KLHL23: variants seen among roughly 807,000 people sequenced by gnomAD.
KLHL23 encodes the protein kelch-like protein 23.
KLHL23 carries 33 observed loss-of-function variants against 48.9 expected under a neutral mutation model. The ratio of observed to expected loss-of-function variants is 0.67; its 90% CI spans 0.51 to 0.90. The LOEUF (loss-of-function observed/expected upper bound fraction) is 0.90, where lower values mean the gene tolerates loss of function less well. Among genes scored for constraint, KLHL23 ranks in the 40% least tolerant of loss-of-function variants. KLHL23 has a pLI of 0.00. For synonymous variants in KLHL23, 234 were observed against 231.6 expected, an observed-to-expected ratio of 1.01 and a Z score of -0.09; for missense variants, 608 against 669.6, an observed-to-expected ratio of 0.91 and a Z score of 1.02.
At chr2:169,741,859 C>T (rs1688684117) in intron 3 of KLHL23, among the ~76,000 whole-genome samples, 1 of 152,118 alleles carries the variant, frequency 6.6e-6, no homozygotes, top group Non-Finnish European at 1.5e-5. Flanking sequence ...ATATAAAATA[C>T]AATGTTCATA....
Position 169,749,725 on chromosome 2 carries a change from A to G in KLHL23, c.1670A>G (p.Asn557Ser). The G allele has an allele frequency of 1.9e-6, 3 of 1,596,790 alleles. No homozygotes were observed. Among genetic ancestry groups the G allele is most frequent in the East Asian group, 2.2e-5 (1 of 44,510 alleles). Residue 557 changes from asparagine to serine, a missense_variant, in exon 4 of 4, where the codon AAT becomes AGT. By Grantham distance (46) the Asn-to-Ser change is conservative. Around this residue, in one of 3 missense-constraint regions of KLHL23, gnomAD observed 179 missense variants for 169.9 expected, o/e 1.05. Coordinates refer to ENST00000392647, the MANE Select transcript of KLHL23 (RefSeq NM_144711.6). ...MRSHGCVCVYNV is the reference protein window; with the variant it reads ...MRSHGCVCVYSV ...TCTCATGGGTGTGTTTGTGTGTATA[A>G]TGTCTAATTGAATCTGCAGAAATGA...
intron 2 of KLHL23, among the ~76,000 whole-genome samples, chr2:169,737,380 GT>G (rs1688544360): frequency 1.3e-5 from 2 of 152,154 alleles, no homozygotes; most frequent in South Asian, 2.1e-4. Flanking sequence ...GTGGGAGAAG[GT>G]AGCAGAAAGC....
intron 3 of KLHL23, among the ~76,000 whole-genome samples, chr2:169,743,626 GGGAA>G (rs1558948913): frequency 6.6e-6 from 1 of 152,172 alleles, no homozygotes; most frequent in East Asian, 1.9e-4. Context: ...TAAAAGAAAA[GGGAA>G]GACCTAGCAG....
chr2:169,738,313 C>T (rs1252128321), intron 2 of KLHL23, among the ~76,000 whole-genome samples: 1 of 151,302 alleles, frequency 6.6e-6, no homozygotes, highest in Non-Finnish European at 1.5e-5. Context: ...CACTATGTTG[C>T]CCAGGCTGGT....
rs1214604517 is a variant in KLHL23, at chr2:169,741,584, G to A, written c.1366+47G>A. ...ATAGTGTATGTTGTGATGTAGTTTA[G>A]TAGCATAAAGGATGGCTAAAAATGG... On this transcript the variant is annotated intron_variant, in intron 3 of 3. Transcript: ENST00000392647. The A allele has an allele frequency of 4.5e-6, 7 of 1,546,940 alleles. No homozygotes were observed. In the African/African-American group the frequency reaches 5.4e-5, roughly 12 times the overall value.
intron 3 of KLHL23, 131 bp from the exon 4 acceptor site, chr2:169,749,291 G>C: frequency 2.0e-6 from 2 of 998,868 alleles, no homozygotes; most frequent in Non-Finnish European, 2.8e-6. Flanking sequence ...TTGTGTGCCT[G>C]AATCAAAATA....
intron 3 of KLHL23, among the ~76,000 whole-genome samples, 171 bp from the exon 4 acceptor site, chr2:169,749,251 G>C (rs943493954): frequency 3.3e-5 from 5 of 152,104 alleles, no homozygotes; most frequent in Non-Finnish European, 7.4e-5. Flanking sequence ...TAGGTGACAG[G>C]GAATGATTTT....
chr2:169,741,551 T>G lies in KLHL23; in HGVS notation c.1366+14T>G, dbSNP rs766217100. The stretch of plus-strand genomic sequence containing the variant: ...GTCCACATCCAGGTAACAAAAATAC[T>G]GTCTCAAATAGTGTATGTTGTGATG... On this transcript the variant is annotated intron_variant, in intron 3 of 3. Coordinates refer to ENST00000392647, the MANE Select transcript of KLHL23 (RefSeq NM_144711.6). The G allele has an allele frequency of 3.0e-5, 49 of 1,609,916 alleles. No homozygotes were observed. The highest frequency in any genetic ancestry group is 1.6e-4 in the Middle Eastern group (1 of 6,064).
At chr2:169,736,745 A>G (rs913663516) in intron 2 of KLHL23, among the ~76,000 whole-genome samples, 2 of 151,836 alleles carry the variant, frequency 1.3e-5, no homozygotes, top group African/African-American at 2.4e-5. Context: ...GATAAACACT[A>G]TTTTCTGCTG....
intron 2 of KLHL23, among the ~76,000 whole-genome samples, chr2:169,740,611 G>A (rs1405852663): frequency 3.3e-5 from 5 of 150,358 alleles, no homozygotes; most frequent in Middle Eastern, 3.4e-3. Context: ...ACCACGTCCT[G>A]CTAATTTTTT....
At chr2:169,738,374 G>A (rs1558946365) in intron 2 of KLHL23, among the ~76,000 whole-genome samples, 2 of 152,038 alleles carry the variant, frequency 1.3e-5, no homozygotes, top group South Asian at 2.1e-4. Context: ...CCCAAAGTGC[G>A]GGGATTATAG....
intron 1 of KLHL23, 145 bp from the exon 2 acceptor site, chr2:169,734,868 C>A: frequency 1.8e-6 from 2 of 1,096,330 alleles, no homozygotes; most frequent in Non-Finnish European, 1.3e-6. Flanking sequence ...ATCAAACAGT[C>A]CATCCACATT....
rs570795087 is a variant in KLHL23 at position 169,751,350 on chromosome 2, A to T, written c.*1618A>T. 3.3e-4 allele frequency: 50 copies of T among 152,120 alleles called. No homozygotes were observed. The highest frequency in any genetic ancestry group is 1.2e-3 in the African/African-American group (50 of 41,398). 9.4% of individuals were successfully genotyped at this position (152,120 alleles called of 1,614,324 possible). On this transcript the variant is annotated 3_prime_UTR_variant, in exon 4 of 4. Coordinates refer to ENST00000392647, the MANE Select transcript of KLHL23 (RefSeq NM_144711.6). ...TTAAAACTACCTAGCATTTCTGATT[A>T]AAAAAAATTTAGAAGGAAAATTTTA...
chr2:169,736,854 G>A lies in KLHL23; in HGVS notation c.1213+627G>A, dbSNP rs558159283. The stretch of plus-strand genomic sequence containing the variant: ...TGTATTTATTCATTGGTGCTGAGGA[G>A]TTGTACAAAAACAACTGGTAGGTCG... On this transcript the variant is annotated intron_variant, in intron 2 of 3. Transcript: ENST00000392647. 8.5e-5 allele frequency among the ~76,000 whole-genome samples: 13 copies of A among 152,348 alleles called. No individual in the cohort carries two copies. The South Asian group carries it at 2.7e-3, about 32-fold the overall frequency.
At chr2:169,745,276 G>A (rs1357853224) in intron 3 of KLHL23, among the ~76,000 whole-genome samples, 1 of 151,940 alleles carries the variant, frequency 6.6e-6, no homozygotes, top group African/African-American at 2.4e-5. Context: ...ACTTTGGGAG[G>A]CCAAGGTGGG....
At chr2:169,738,443 G>A (rs1688567089) in intron 2 of KLHL23, among the ~76,000 whole-genome samples, 2 of 152,006 alleles carry the variant, frequency 1.3e-5, no homozygotes, top group South Asian at 4.1e-4. Context: ...TTGGTAGAAA[G>A]GATAACATTT....
chr2:169,740,206 G>A (rs763944466), intron 2 of KLHL23, among the ~76,000 whole-genome samples: 18 of 152,110 alleles, frequency 1.2e-4, no homozygotes, highest in Non-Finnish European at 2.2e-4. Flanking sequence ...TTGACCTCCT[G>A]AGATCAAGCA....
rs1011123429 is a variant in KLHL23, at chr2:169,749,800, G to A, written c.*68G>A. ...TAGTTTTATAAAAAAAGAATGCAGG[G>A]TTTGAAGTTCCTTACCTGATAATTG... On this transcript the variant is annotated 3_prime_UTR_variant, in exon 4 of 4. Coordinates refer to ENST00000392647, the MANE Select transcript of KLHL23 (RefSeq NM_144711.6). 5.3e-6 allele frequency: 8 copies of A among 1,513,262 alleles called. No individual in the cohort carries two copies. Among genetic ancestry groups the A allele is most frequent in the Non-Finnish European group, 7.1e-6 (8 of 1,127,074 alleles). 93.7% of individuals were successfully genotyped at this position (1,513,262 alleles called of 1,614,324 possible).
In KLHL23 at chr2:169,735,473, A is replaced by T; in HGVS notation, c.459A>T (p.Glu153Asp). The change falls in exon 2 of 4, where the codon GAA becomes GAT. Residue 153 changes from glutamate (E) to aspartate (D), a missense_variant. Around this residue, in one of 3 missense-constraint regions of KLHL23, gnomAD observed 419 missense variants for 473.1 expected, o/e 0.89. Transcript: ENST00000392647. The surrounding 1 kb of genome is among the most constrained non-coding windows in gnomAD (Gnocchi z 4.5). ...TTGCAGAATTTCATGTGTGTCCAGA[A>T]CTAGAGAAGGAATCTCGAAGAATTC... ...HSFAEFHVCP[E>D]LEKESRRILC... is the part of the protein sequence containing the mutation. The T allele has an allele frequency of 1.2e-6, 2 of 1,614,090 alleles. No individual in the cohort carries two copies. Among genetic ancestry groups the T allele is most frequent in the Non-Finnish European group, 1.7e-6 (2 of 1,180,040 alleles).
Sources: allele counts gnomAD v4.1 joint callset (sites outside exome capture counted in the v4.1 genomes callset), GRCh38; gene constraint gnomAD v4.1.1; regional missense constraint gnomAD v4.1.1; non-coding constraint Gnocchi (gnomAD v3.1); transcripts MANE v1.5; gene names NCBI Gene and HGNC (gene_info 2026-07-23, HGNC 2026-07-21).